The following CTNNA2 variants were observed in gnomAD, a reference collection of about 807,000 sequenced individuals.
The protein encoded by CTNNA2 is catenin alpha 2, also known as catenin alpha-2.
In CTNNA2, 42 loss-of-function variants were observed where a neutral mutation model predicts 101.0. The ratio of observed to expected loss-of-function variants is 0.42; its 90% CI spans 0.32 to 0.54. The LOEUF (loss-of-function observed/expected upper bound fraction) is 0.54. Ranked by LOEUF, CTNNA2 falls within the 20% of genes least tolerant of loss-of-function variation. The pLI is 0.14. For synonymous variants in CTNNA2, 450 were observed against 456.4 expected, an observed-to-expected ratio of 0.99 and a Z score of 0.18; for missense variants, 871 against 1,223.1, an observed-to-expected ratio of 0.71 and a Z score of 4.29.
In CTNNA2 at chr2:79,651,566, G is replaced by T. The variant is rs1451882176; in HGVS notation, c.10G>T (p.Ala4Ser). The change falls in exon 2 of 19, where the codon GCA becomes TCA. Residue 4 changes from alanine (A) to serine (S), a missense_variant. Around this residue, in one of 5 missense-constraint regions of CTNNA2, gnomAD observed 647 missense variants for 831.5 expected, o/e 0.78. Coordinates refer to ENST00000402739, the MANE Select transcript of CTNNA2 (RefSeq NM_001282597.3). MTS[A>S]TSPIILKWDP... is the part of the protein sequence containing the mutation. Reference sequence around the variant, plus strand: ...TGTTCCCATAGGGAGCATGACTTCGGCAACTTCACCTATCATTCTGAAATG... The same window carrying T: ...TGTTCCCATAGGGAGCATGACTTCGTCAACTTCACCTATCATTCTGAAATG... 6.2e-7 allele frequency: 1 copy of T among 1,613,726 alleles called. No homozygotes were observed. Among genetic ancestry groups the T allele is most frequent in the African/African-American group, 1.3e-5 (1 of 75,006 alleles).
chr2:79,758,747 G>T (rs974463781), intron 3 of CTNNA2, among the ~76,000 whole-genome samples: 1 of 152,146 alleles, frequency 6.6e-6, no homozygotes, highest in Non-Finnish European at 1.5e-5. Context: ...GTCTCCAGCT[G>T]CATTCATGTT....
chr2:79,676,978 C>T (rs182969597), intron 2 of CTNNA2, among the ~76,000 whole-genome samples: 1 of 152,126 alleles, frequency 6.6e-6, no homozygotes, highest in Non-Finnish European at 1.5e-5. Flanking sequence ...ATCAGACCTG[C>T]CCAGGTCTGA....
At chr2:79,226,054 T>A (rs975908000) in intron 2 of CTNNA2, among the ~76,000 whole-genome samples, 1 of 152,192 alleles carries the variant, frequency 6.6e-6, no homozygotes, top group African/African-American at 2.4e-5. Context: ...GTCTTACTCA[T>A]GTTTTCTTTT....
chr2:80,107,504 C>T (rs1334978005), intron 7 of CTNNA2, among the ~76,000 whole-genome samples: 1 of 152,172 alleles, frequency 6.6e-6, no homozygotes, highest in Admixed American at 6.5e-5. Context: ...CATCCTGTCG[C>T]CTCTCCTGCT....
At chr2:80,585,811 GA>G (rs1191151304) in intron 14 of CTNNA2, among the ~76,000 whole-genome samples, 3 of 152,098 alleles carry the variant, frequency 2.0e-5, no homozygotes, top group Admixed American at 1.3e-4. Flanking sequence ...TCCAGTTTCA[GA>G]AAAGGTCAAT....
At chr2:79,258,960 C>G (rs1161757997) in intron 2 of CTNNA2, among the ~76,000 whole-genome samples, 1 of 149,710 alleles carries the variant, frequency 6.7e-6, no homozygotes, top group African/African-American at 2.5e-5. Context: ...ATATTTTAAT[C>G]TTTTGTTGTC....
At chr2:80,606,414 C>CACACACACACACCCA (rs1558638318) in intron 16 of CTNNA2, among the ~76,000 whole-genome samples, 1 of 51,612 alleles carries the variant, frequency 1.9e-5, no homozygotes, top group South Asian at 3.4e-4. Context: ...ACACACACAC[C>CACACACACACACCCA]CCCCAGGATA....
rs527365728 is a variant in CTNNA2, at chr2:79,236,753, A to G, written c.-406+38677A>G. 5.1e-4 allele frequency among the ~76,000 whole-genome samples: 77 copies of G among 152,278 alleles called. No homozygotes were observed. The East Asian group carries it at 0.012, about 24-fold the overall frequency. On this transcript the variant is annotated intron_variant, in intron 2 of 21. Transcript: ENST00000466387. ...GCTGTTGTAGATTCAAATGCAGTAA[A>G]CCACTTTCTTTGCTTATCCATAAGA...
chr2:80,347,190 G>A (rs892242567), intron 7 of CTNNA2, among the ~76,000 whole-genome samples: 2 of 152,198 alleles, frequency 1.3e-5, no homozygotes, highest in Non-Finnish European at 2.9e-5. Flanking sequence ...ACCTTCAATT[G>A]GAAATGGCCT....
At chr2:79,675,012 GA>G in intron 2 of CTNNA2, among the ~76,000 whole-genome samples, 1 of 152,184 alleles carries the variant, frequency 6.6e-6, no homozygotes, top group South Asian at 2.1e-4. Context: ...ATCTTGTATG[GA>G]ACAGTAGTTG....
chr2:80,605,725 A>G (rs1221899819), intron 16 of CTNNA2: 1 of 151,994 alleles, frequency 6.6e-6, no homozygotes, highest in Non-Finnish European at 1.5e-5. Context: ...ATTGCACTTA[A>G]GAGTCAAGAG....
In CTNNA2 at chr2:79,953,445, A is replaced by G. The variant is rs189332332; in HGVS notation, c.1056+43648A>G. 1.0e-3 allele frequency among the ~76,000 whole-genome samples: 152 copies of G among 152,126 alleles called. 3 individuals are homozygous for G. Among genetic ancestry groups the G allele is most frequent in the African/African-American group, 3.5e-3 (147 of 41,500 alleles). On this transcript the variant is annotated intron_variant, in intron 7 of 18. Transcript: ENST00000402739. ...GCAGCCAGCTTTCTTGGACTCCCCC[A>G]CTTTCCCTCTCCTTTCTGCATTACC...
At chr2:80,172,443 A>G (rs562413867) in intron 7 of CTNNA2, among the ~76,000 whole-genome samples, 3 of 152,242 alleles carry the variant, frequency 2.0e-5, no homozygotes, top group Admixed American at 2.0e-4. Flanking sequence ...GCAGGGGGAG[A>G]AGGTATGGTG....
chr2:79,305,489 G>A (rs1162329157), intron 2 of CTNNA2, among the ~76,000 whole-genome samples: 2 of 150,940 alleles, frequency 1.3e-5, no homozygotes, highest in African/African-American at 4.9e-5. Context: ...GCATGGTATG[G>A]TATCTTTTCA....
chr2:80,578,332 C>T (rs113564321), intron 13 of CTNNA2, among the ~76,000 whole-genome samples: 177 of 152,298 alleles, frequency 1.2e-3, no homozygotes, highest in African/African-American at 4.1e-3. Context: ...CACCCTCAGT[C>T]TCTATCCTCC....
chr2:80,596,109 T>A (rs1250454864), intron 15 of CTNNA2, among the ~76,000 whole-genome samples: 2 of 151,878 alleles, frequency 1.3e-5, no homozygotes, highest in African/African-American at 4.8e-5. Flanking sequence ...CTAGTTATTT[T>A]ATTATCTTTG....
intron 9 of CTNNA2, among the ~76,000 whole-genome samples, chr2:80,421,608 C>G (rs543699021): frequency 1.3e-5 from 2 of 152,206 alleles, no homozygotes; most frequent in African/African-American, 4.8e-5. Context: ...AAGCTGAAAG[C>G]TTAGATTACT....
intron 4 of CTNNA2, among the ~76,000 whole-genome samples, chr2:79,457,029 G>A (rs1476241023): frequency 6.6e-6 from 1 of 151,800 alleles, no homozygotes; most frequent in Non-Finnish European, 1.5e-5. Context: ...GTCAAACCCC[G>A]TCACTACTAA....
intron 7 of CTNNA2, among the ~76,000 whole-genome samples, chr2:80,262,245 C>T (rs1672665601): frequency 6.6e-6 from 1 of 152,066 alleles, no homozygotes; most frequent in Non-Finnish European, 1.5e-5. Flanking sequence ...AATATTTTCA[C>T]TCATTTTATA....
Sources: allele counts gnomAD v4.1 joint callset (sites outside exome capture counted in the v4.1 genomes callset), GRCh38; gene constraint gnomAD v4.1.1; regional missense constraint gnomAD v4.1.1; transcripts MANE v1.5; gene names NCBI Gene and HGNC (gene_info 2026-07-23, HGNC 2026-07-21).